The following OXSR1 variants were observed in gnomAD, a reference collection of about 807,000 sequenced individuals.
OXSR1 encodes the protein oxidative stress responsive kinase 1.
OXSR1 carries 24 observed loss-of-function variants against 79.8 expected under a neutral mutation model. The ratio of observed to expected loss-of-function variants is 0.30; its 90% CI spans 0.22 to 0.42. OXSR1 has a LOEUF of 0.42. Among genes scored for constraint, OXSR1 ranks in the 10% least tolerant of loss-of-function variants. The probability of loss-of-function intolerance (pLI) is 1.00; values close to 1 mark genes in which losing one functional copy is unlikely to be tolerated. For missense variants in OXSR1, 430 were observed against 618.4 expected, an observed-to-expected ratio of 0.70 and a Z score of 3.23; for synonymous variants, 226 against 209.2, an observed-to-expected ratio of 1.08 and a Z score of -0.69.
At chr3:38,234,002 A>G (rs1374747680) in intron 10 of OXSR1, among the ~76,000 whole-genome samples, 1 of 152,236 alleles carries the variant, frequency 6.6e-6, no homozygotes, top group Admixed American at 6.5e-5. Flanking sequence ...AGTGAAGACT[A>G]AAGAATCATC....
intron 10 of OXSR1, among the ~76,000 whole-genome samples, chr3:38,236,111 T>C (rs1466980767): frequency 6.6e-6 from 1 of 152,216 alleles, no homozygotes; most frequent in African/African-American, 2.4e-5. Context: ...GAAGTGGTAA[T>C]GTATGATAAG....
rs1454645401 is a variant in OXSR1, at chr3:38,252,951, CTAT to C, written c.*62_*64del. ...CCACACATGCGTATCTCTGTTGCTT[CTAT>C]TGGCCTAAACCCACTACTGCCAAAG... On this transcript the variant is annotated 3_prime_UTR_variant, in exon 18 of 18. Transcript: ENST00000311806. 4.3e-6 allele frequency: 6 copies of C among 1,396,100 alleles called. No individual in the cohort carries two copies. The Admixed American group carries it at 6.7e-5, about 16-fold the overall frequency. 86.5% of individuals were successfully genotyped at this position (1,396,100 alleles called of 1,614,324 possible). A position where few individuals can be genotyped will look rare whatever the true frequency, so the allele number is the denominator to read the frequency against.
At chr3:38,202,411 T>G (rs758273927) in intron 4 of OXSR1, among the ~76,000 whole-genome samples, 2 of 152,164 alleles carry the variant, frequency 1.3e-5, no homozygotes, top group Non-Finnish European at 2.9e-5. Context: ...AGAGACAGAT[T>G]CTCTGTCACC....
intron 14 of OXSR1, among the ~76,000 whole-genome samples, chr3:38,249,479 A>G (rs567927185): frequency 2.6e-5 from 4 of 152,088 alleles, no homozygotes; most frequent in Non-Finnish European, 2.9e-5. Flanking sequence ...CCCATCTCTC[A>G]TATATTCTTT....
At chr3:38,216,942 C>G (rs570260400) in intron 5 of OXSR1, among the ~76,000 whole-genome samples, 6 of 152,262 alleles carry the variant, frequency 3.9e-5, no homozygotes, top group African/African-American at 1.4e-4. Context: ...AAATGAGCAA[C>G]TTCTACTCAT....
At chr3:38,208,975 TGTGTGTGTGTGC>T (rs1338100999) in intron 4 of OXSR1, among the ~76,000 whole-genome samples, 2 of 148,738 alleles carry the variant, frequency 1.3e-5, no homozygotes, top group Non-Finnish European at 3.0e-5. Context: ...TGTGTGTGTG[TGTGTGTGTGTGC>T]GCGCGCGCGT....
intron 12 of OXSR1, among the ~76,000 whole-genome samples, chr3:38,244,881 C>G (rs1302251128): frequency 6.6e-6 from 1 of 152,074 alleles, no homozygotes; most frequent in Non-Finnish European, 1.5e-5. Flanking sequence ...ATACTGTTTT[C>G]CATAGAGGCT....
chr3:38,214,814 C>G (rs1052983549), intron 4 of OXSR1, among the ~76,000 whole-genome samples: 22 of 152,170 alleles, frequency 1.4e-4, no homozygotes, highest in Non-Finnish European at 3.1e-4. Flanking sequence ...CTTCTGCACA[C>G]AGTTGTGAAA....
chr3:38,222,412 CAG>C (rs1194038900), intron 6 of OXSR1, among the ~76,000 whole-genome samples: 1 of 152,124 alleles, frequency 6.6e-6, no homozygotes, highest in Non-Finnish European at 1.5e-5. Context: ...ATCTGCTTCT[CAG>C]GGGCAAGCAG....
intron 3 of OXSR1, among the ~76,000 whole-genome samples, chr3:38,195,642 G>A (rs546116678): frequency 7.1e-4 from 108 of 152,260 alleles, no homozygotes; most frequent in Non-Finnish European, 1.2e-3. Context: ...ATACTAGTAA[G>A]GTGAGGAAAT....
intron 10 of OXSR1, among the ~76,000 whole-genome samples, chr3:38,234,289 A>G (rs1702873544): frequency 6.6e-6 from 1 of 152,230 alleles, no homozygotes. Context: ...GCTTCAATAG[A>G]CGCTGGCAAG....
intron 1 of OXSR1, among the ~76,000 whole-genome samples, chr3:38,172,000 AG>A (rs1220693653): frequency 6.6e-6 from 1 of 152,194 alleles, no homozygotes; most frequent in Non-Finnish European, 1.5e-5. Context: ...TGGGGAGAAT[AG>A]TACCTATGTC....
At chr3:38,225,261 A>G (rs1702667330) in intron 8 of OXSR1, among the ~76,000 whole-genome samples, 1 of 152,090 alleles carries the variant, frequency 6.6e-6, no homozygotes, top group Non-Finnish European at 1.5e-5. Flanking sequence ...ATTGAGTACA[A>G]CCTTTTATTT....
intron 1 of OXSR1, among the ~76,000 whole-genome samples, chr3:38,167,876 C>T (rs1460395864): frequency 7.0e-6 from 1 of 143,560 alleles, no homozygotes; most frequent in Admixed American, 7.2e-5. Flanking sequence ...TCCCTATCAT[C>T]ATTTTAAAAG....
chr3:38,240,788 A>G (rs1223195002), intron 11 of OXSR1, among the ~76,000 whole-genome samples: 1 of 152,212 alleles, frequency 6.6e-6, no homozygotes. Flanking sequence ...AACCACCAAA[A>G]TAAAGTGCAA....
At chr3:38,239,604 T>A (rs899982064) in intron 11 of OXSR1, among the ~76,000 whole-genome samples, 1 of 152,212 alleles carries the variant, frequency 6.6e-6, no homozygotes. Context: ...GTGAGTGCTA[T>A]GCACTCTTAC....
At chr3:38,250,945 C>T (rs1007626578) in intron 15 of OXSR1, among the ~76,000 whole-genome samples, 6 of 152,094 alleles carry the variant, frequency 3.9e-5, no homozygotes, top group African/African-American at 1.4e-4. Flanking sequence ...TGGTTATACC[C>T]ATTGCTCAGA....
chr3:38,166,103 G>A lies in OXSR1; in HGVS notation c.70+157G>A, dbSNP rs536773638. ...TTGTAGGACGCTTGTGTCGAGGAGC[G>A]CGTGTGAGACGGGAAGGGGGTTTTG... On this transcript the variant is annotated intron_variant, in intron 1 of 17. Transcript: ENST00000311806. Among the ~76,000 whole-genome samples, 6 of 151,928 alleles carry A rather than the reference G, an allele frequency of 3.9e-5. No individual in the cohort carries two copies. The East Asian group carries it at 1.2e-3, about 30-fold the overall frequency.
intron 7 of OXSR1, 74 bp downstream of exon 7, chr3:38,223,987 A>AT (rs969129013): frequency 0.012 from 9,201 of 743,462 alleles, no homozygotes; most frequent in South Asian, 0.019. Context: ...CAGTCTTTTA[A>AT]TTTTTTTTTT....
Sources: gnomAD v4.1 joint callset for allele counts (sites outside exome capture counted in the v4.1 genomes callset) on GRCh38, gnomAD v4.1.1 for gene constraint, MANE v1.5 for transcripts, NCBI Gene and HGNC (gene_info 2026-07-23, HGNC 2026-07-21) for gene names.